Variants in FBXL13 observed in about 807,000 individuals in gnomAD.
FBXL13 encodes F-box and leucine-rich repeat protein 13.
In FBXL13, 67 loss-of-function variants were observed where a neutral mutation model predicts 83.6. The ratio of observed to expected loss-of-function variants is 0.80; its 90% confidence interval spans 0.66 to 0.98. The LOEUF (loss-of-function observed/expected upper bound fraction) is 0.98, where lower values mean the gene tolerates loss of function less well. Ranked by LOEUF, FBXL13 falls within the 50% of genes least tolerant of loss-of-function variation. FBXL13 has a pLI of 0.00. For missense variants in FBXL13, 822 were observed against 866.5 expected (o/e 0.95, Z 0.64); for synonymous variants, 272 against 299.5 (o/e 0.91, Z 0.95).
intron 11 of FBXL13, among the ~76,000 whole-genome samples, chr7:102,898,379 C>T (rs138506354): frequency 1.1e-3 from 168 of 152,234 alleles, no homozygotes; most frequent in African/African-American, 3.9e-3. Context: ...CTCATTCTGT[C>T]ACCCAGGCTG....
intron 1 of FBXL13, among the ~76,000 whole-genome samples, chr7:103,072,495 A>C (rs960397753): frequency 6.6e-6 from 1 of 152,140 alleles, no homozygotes; most frequent in Non-Finnish European, 1.5e-5. Flanking sequence ...CAGAGGGGGA[A>C]CTGGGGACTG....
intron 2 of FBXL13, among the ~76,000 whole-genome samples, chr7:103,047,688 T>G (rs933491612): frequency 2.6e-5 from 4 of 152,202 alleles, no homozygotes; most frequent in African/African-American, 9.6e-5. Context: ...TTATAAGTCC[T>G]ATACATTTTT....
At chr7:102,934,557 AAG>A (rs869198374) in intron 8 of FBXL13, 21 of 1,613,310 alleles carry the variant, frequency 1.3e-5, no homozygotes, top group Non-Finnish European at 1.4e-5. Flanking sequence ...TGTAATGAAG[AAG>A]AAAAGGAACA....
chr7:102,982,093 TG>T (rs1297328361), intron 6 of FBXL13, among the ~76,000 whole-genome samples: 1 of 152,066 alleles, frequency 6.6e-6, no homozygotes, highest in Non-Finnish European at 1.5e-5. Context: ...CACTTCTCCT[TG>T]ATAGTTAGGG....
chr7:103,033,067 C>T (rs1265336934), intron 2 of FBXL13, among the ~76,000 whole-genome samples: 3 of 152,094 alleles, frequency 2.0e-5, no homozygotes, highest in Admixed American at 6.6e-5. Flanking sequence ...CTCCATCCCC[C>T]CATACACACA....
chr7:103,066,781 T>C (rs540408079), intron 1 of FBXL13, among the ~76,000 whole-genome samples: 1 of 151,938 alleles, frequency 6.6e-6, no homozygotes, highest in East Asian at 1.9e-4. Context: ...AGTGGAAGAA[T>C]TTTGTGAGGA....
At chr7:102,954,658 C>G (rs909858945) in intron 8 of FBXL13, among the ~76,000 whole-genome samples, 7 of 152,122 alleles carry the variant, frequency 4.6e-5, no homozygotes, top group African/African-American at 1.7e-4. Context: ...ATCTCATGTG[C>G]AAAGACACAG....
Position 102,884,470 on chromosome 7 carries a change from C to CT in FBXL13, c.1009-159dup, listed in dbSNP as rs988494099. Among the ~76,000 whole-genome samples the CT allele has an allele frequency of 6.6e-5, 10 of 151,988 alleles. No individual in the cohort carries two copies. The East Asian group carries it at 1.4e-3, about 21-fold the overall frequency. On this transcript the variant is annotated intron_variant, in intron 11 of 19. Coordinates refer to ENST00000313221, the Ensembl canonical transcript of FBXL13. ...GAGGGAAAGAATCTAGTCTTGATTT[C>CT]TTTTTTTTATTTAATTTTTTATCGA...
chr7:103,064,991 C>T (rs1489682481), intron 1 of FBXL13, among the ~76,000 whole-genome samples: 1 of 152,186 alleles, frequency 6.6e-6, no homozygotes, highest in African/African-American at 2.4e-5. Context: ...CCCTGCAAAA[C>T]CTTGCCAAAA....
chr7:102,939,465 A>G, intron 8 of FBXL13: 1 of 1,613,428 alleles, frequency 6.2e-7, no homozygotes, highest in Middle Eastern at 1.7e-4. Context: ...CCCTCCAGAT[A>G]TTGTTAAACT....
In FBXL13 at chr7:103,026,928, T is replaced by C. The variant is rs567851818; in HGVS notation, c.327+521A>G. ...TCTACATCTGATCATAGTGTTACTT[T>C]GAGCATACTAAACCAATATTAAGTA... On this transcript the variant is annotated intron_variant, in intron 5 of 19. Transcript: ENST00000313221. Among the ~76,000 whole-genome samples, 4 of 152,216 alleles carry C rather than the reference T, an allele frequency of 2.6e-5. No homozygotes were observed. In the South Asian group the frequency reaches 8.3e-4, roughly 32 times the overall value.
At chr7:102,813,279 G>T in exon 20 of FBXL13, 1 of 1,452,660 alleles carries the variant, frequency 6.9e-7, no homozygotes, top group Non-Finnish European at 9.4e-7. Flanking sequence ...AAACATACTT[G>T]CAACAAATGG....
intron 16 of FBXL13, among the ~76,000 whole-genome samples, chr7:102,862,876 T>C (rs1807068493): frequency 6.6e-6 from 1 of 152,224 alleles, no homozygotes; most frequent in Admixed American, 6.5e-5. Context: ...TCCAAATCTA[T>C]TCAATACATA....
chr7:103,074,685 G>C (rs1186049991), upstream of FBXL13: 5 of 1,288,464 alleles, frequency 3.9e-6, no homozygotes, highest in East Asian at 2.8e-4. Context: ...GCTGCCACGC[G>C]TGTCCAGTAC....
intron 6 of FBXL13, among the ~76,000 whole-genome samples, chr7:103,003,715 G>A (rs1790680694): frequency 6.6e-6 from 1 of 152,090 alleles, no homozygotes; most frequent in Non-Finnish European, 1.5e-5. Flanking sequence ...CTAAGTAGCT[G>A]GGATTACAGG....
rs74843645 is a variant in FBXL13, at chr7:102,942,674, G to A, written c.725-10741C>T. On this transcript the variant is annotated intron_variant, in intron 8 of 19. Coordinates refer to ENST00000313221, the Ensembl canonical transcript of FBXL13. ...AAAATCCAGTATCTTCAGAACACAAGGGCTGATCTTTTGTCCCCTACCCGC... is the reference window on the plus strand; with the variant it reads ...AAAATCCAGTATCTTCAGAACACAAAGGCTGATCTTTTGTCCCCTACCCGC... Among the ~76,000 whole-genome samples, 766 of 152,188 alleles carry A rather than the reference G, an allele frequency of 5.0e-3. 14 individuals carry two copies. The highest frequency in any genetic ancestry group is 0.035 in the Admixed American group (530 of 15,292).
chr7:102,964,125 A>G (rs1825701756), intron 7 of FBXL13, among the ~76,000 whole-genome samples: 1 of 152,004 alleles, frequency 6.6e-6, no homozygotes, highest in South Asian at 2.1e-4. Context: ...AGCCTAGCCA[A>G]CATGGCAAAA....
intron 17 of FBXL13, among the ~76,000 whole-genome samples, chr7:102,838,153 T>G (rs980118462): frequency 1.3e-5 from 2 of 152,192 alleles, no homozygotes; most frequent in Non-Finnish European, 2.9e-5. Flanking sequence ...CCCACTGGCT[T>G]GAGTTCAAAT....
chr7:102,936,537 C>T (rs939819466), intron 8 of FBXL13, among the ~76,000 whole-genome samples: 1 of 152,084 alleles, frequency 6.6e-6, no homozygotes, highest in South Asian at 2.1e-4. Context: ...TATGGTGAGT[C>T]CTTAGTGCTT....
Sources: allele counts gnomAD v4.1 joint callset (sites outside exome capture counted in the v4.1 genomes callset), GRCh38; gene constraint gnomAD v4.1.1; transcripts MANE v1.5; gene names NCBI Gene and HGNC (gene_info 2026-07-23, HGNC 2026-07-21).